Variants in MUSK observed in about 807,000 individuals in gnomAD.
MUSK encodes muscle, skeletal receptor tyrosine-protein kinase.
A neutral mutation model predicts 88.7 loss-of-function variants in MUSK; 55 were observed. The observed-to-expected ratio is 0.62, with a 90% CI of 0.50 to 0.78. The LOEUF (loss-of-function observed/expected upper bound fraction) is 0.78, where lower values mean the gene tolerates loss of function less well. Ranked by LOEUF, MUSK falls within the 30% of genes least tolerant of loss-of-function variation. The probability of loss-of-function intolerance (pLI) is 0.00; values close to 1 mark genes in which losing one functional copy is unlikely to be tolerated. For synonymous variants in MUSK, 387 were observed against 391.9 expected (o/e 0.99, Z 0.15); for missense variants, 1,015 against 1,074.3 (o/e 0.94, Z 0.77).
intron 6 of MUSK, among the ~76,000 whole-genome samples, chr9:110,742,775 G>A (rs1001106897): frequency 6.6e-6 from 1 of 152,182 alleles, no homozygotes; most frequent in African/African-American, 2.4e-5. Flanking sequence ...CAAACAAAGT[G>A]ACTTTCATCC....
chr9:110,804,898 T>G lies in MUSK; in HGVS notation c.*3910T>G, dbSNP rs922002085. On this transcript the variant is annotated 3_prime_UTR_variant, in exon 15 of 15. Transcript: ENST00000374448. The stretch of plus-strand genomic sequence containing the variant: ...GGTAGGTAAATAGATAGATAGATGA[T>G]ACATAGAGAGAGATAGATAGATAAT... Among the ~76,000 whole-genome samples the G allele has an allele frequency of 1.3e-5, 2 of 151,882 alleles. No homozygotes were observed. Among genetic ancestry groups the G allele is most frequent in the African/African-American group, 4.8e-5 (2 of 41,430 alleles).
intron 6 of MUSK, among the ~76,000 whole-genome samples, chr9:110,734,875 A>G (rs1434075232): frequency 1.3e-5 from 2 of 152,052 alleles, no homozygotes; most frequent in African/African-American, 4.8e-5. Flanking sequence ...TATTCATTCT[A>G]CAAATATGTA....
intron 6 of MUSK, among the ~76,000 whole-genome samples, chr9:110,739,076 T>C (rs931002224): frequency 1.3e-5 from 2 of 152,130 alleles, no homozygotes; most frequent in East Asian, 1.9e-4. Flanking sequence ...GTTCCTTCCA[T>C]TGGAGCTGCC....
chr9:110,728,499 T>C (rs977646503), intron 5 of MUSK, among the ~76,000 whole-genome samples: 7 of 152,082 alleles, frequency 4.6e-5, no homozygotes, highest in Non-Finnish European at 1.0e-4. Flanking sequence ...CATTTAACAG[T>C]TTGCTTTCAA....
chr9:110,800,586 C>T lies in MUSK; in HGVS notation c.2208C>T (p.Asn736=). 3 of 1,613,514 alleles carry T rather than the reference C, an allele frequency of 1.9e-6. No homozygotes were observed. Among genetic ancestry groups the T allele is most frequent in the Non-Finnish European group, 2.5e-6 (3 of 1,179,814 alleles). Residue 736 remains asparagine, a synonymous_variant, in exon 15 of 15, where the codon AAC becomes AAT. Coordinates refer to ENST00000374448, the MANE Select transcript of MUSK (RefSeq NM_005592.4). ...CCAGGAACTGCCTGGTGGGCGAGAACATGGTGGTGAAAATTGCCGACTTTG... is the reference window on the plus strand; with the variant it reads ...CCAGGAACTGCCTGGTGGGCGAGAATATGGTGGTGAAAATTGCCGACTTTG... ...LATRNCLVGE[N]MVVKIADFGL...
chr9:110,803,745 A>G lies in MUSK; in HGVS notation c.*2757A>G, dbSNP rs1391378917. On this transcript the variant is annotated 3_prime_UTR_variant, in exon 15 of 15. Transcript: ENST00000374448. ...TTACATTTTCAAGTTAAGATCACTG[A>G]CTTATTCCCTAAGTGCTCGATCTAA... is the stretch of plus-strand genomic sequence containing the variant. Among the ~76,000 whole-genome samples, 2 of 152,226 alleles carry G rather than the reference A, an allele frequency of 1.3e-5. No homozygotes were observed. Among genetic ancestry groups the G allele is most frequent in the African/African-American group, 4.8e-5 (2 of 41,454 alleles).
At chr9:110,693,687 C>T (rs941034327) in intron 3 of MUSK, among the ~76,000 whole-genome samples, 1 of 152,186 alleles carries the variant, frequency 6.6e-6, no homozygotes, top group South Asian at 2.1e-4. Context: ...TCACCCCTCA[C>T]CTAACAGATG....
At chr9:110,684,746 G>T (rs930517173) in intron 2 of MUSK, among the ~76,000 whole-genome samples, 16 of 151,778 alleles carry the variant, frequency 1.1e-4, no homozygotes, top group African/African-American at 3.6e-4. Context: ...ATTGTAAATA[G>T]GATTATTTTT....
intron 5 of MUSK, among the ~76,000 whole-genome samples, chr9:110,701,651 TATTTATTTTA>T (rs1461340005): frequency 8.9e-5 from 1 of 11,224 alleles, no homozygotes; most frequent in Non-Finnish European, 1.6e-4. Context: ...TGTGCTCAGC[TATTTATTTTA>T]TTTATTTTAT....
chr9:110,764,635 A>G (rs981442022), intron 8 of MUSK, among the ~76,000 whole-genome samples: 5 of 150,736 alleles, frequency 3.3e-5, no homozygotes, highest in African/African-American at 1.2e-4. Context: ...AGATAGATAG[A>G]TAGGTAGGTA....
At position 110,709,936 on chromosome 9, in the gene MUSK, G is replaced by A. The variant is rs1013120692; in HGVS notation, c.628+12470G>A. Among the ~76,000 whole-genome samples, 5 of 152,088 alleles carry A rather than the reference G, an allele frequency of 3.3e-5. No homozygotes were observed. The East Asian group carries it at 9.7e-4, about 30-fold the overall frequency. ...GAGGCAGGAGGATTGCTTGAGGCCAGGAGTTCGAGGCCAGCCTGGGAAACA... is the reference window on the plus strand; with the variant it reads ...GAGGCAGGAGGATTGCTTGAGGCCAAGAGTTCGAGGCCAGCCTGGGAAACA... On this transcript the variant is annotated intron_variant, in intron 5 of 14. Transcript: ENST00000374448.
Position 110,767,845 on chromosome 9 carries a change from T to A in MUSK, c.946T>A (p.Tyr316Asn). ...TAAACCACAGAAAGATAACAAAGGCTACTGCGCCCAGTACAGAGGGGAGGT... is the reference window on the plus strand; with the variant it reads ...TAAACCACAGAAAGATAACAAAGGCAACTGCGCCCAGTACAGAGGGGAGGT... The part of the protein sequence containing the change: ...WSKPQKDNKG[Y>N]CAQYRGEVCN... Residue 316 changes from tyrosine to asparagine, a missense_variant, in exon 9 of 15, where the codon TAC becomes AAC. Transcript: ENST00000374448. 1.2e-6 allele frequency: 2 copies of A among 1,614,028 alleles called. No homozygotes were observed. Among genetic ancestry groups the A allele is most frequent in the Non-Finnish European group, 1.7e-6 (2 of 1,179,882 alleles).
chr9:110,788,794 A>C (rs2077922452), intron 14 of MUSK, among the ~76,000 whole-genome samples: 1 of 152,226 alleles, frequency 6.6e-6, no homozygotes, highest in South Asian at 2.1e-4. Flanking sequence ...TGAGCTACAA[A>C]GTTTGAAGAC....
At chr9:110,704,640 A>G (rs909440719) in intron 5 of MUSK, among the ~76,000 whole-genome samples, 1 of 152,192 alleles carries the variant, frequency 6.6e-6, no homozygotes, top group Non-Finnish European at 1.5e-5. Flanking sequence ...TTATTATTAT[A>G]TATTAGAGTA....
At chr9:110,799,465 C>T (rs2078059107) in intron 14 of MUSK, among the ~76,000 whole-genome samples, 1 of 152,196 alleles carries the variant, frequency 6.6e-6, no homozygotes, top group African/African-American at 2.4e-5. Flanking sequence ...TGTTTTACTG[C>T]AGCAACTTAA....
At chr9:110,693,241 G>A (rs2076381480) in intron 3 of MUSK, among the ~76,000 whole-genome samples, 2 of 152,032 alleles carry the variant, frequency 1.3e-5, no homozygotes, top group South Asian at 4.2e-4. Context: ...CTTGATTTGG[G>A]TTCTATACTA....
rs542123753 is a variant in MUSK at position 110,804,870 on chromosome 9, G to A, written c.*3882G>A. ...TTCAGATAGACAGGTAGGTAAGTAG[G>A]TTGGTAGGTAAATAGATAGATAGAT... On this transcript the variant is annotated 3_prime_UTR_variant, in exon 15 of 15. Coordinates refer to ENST00000374448, the MANE Select transcript of MUSK (RefSeq NM_005592.4). 3.6e-4 allele frequency among the ~76,000 whole-genome samples: 54 copies of A among 151,856 alleles called. No homozygotes were observed. The highest frequency in any genetic ancestry group is 6.9e-4 in the Non-Finnish European group (47 of 67,794).
Position 110,806,281 on chromosome 9 carries a change from T to G in MUSK, c.*5293T>G, listed in dbSNP as rs1198072003. 1.3e-5 allele frequency among the ~76,000 whole-genome samples: 2 copies of G among 152,176 alleles called. No individual in the cohort carries two copies. ...TAATGTTATATTGTTTATCACAACT[T>G]TCACAAATATTTCTAAATAAAGGTT... On this transcript the variant is annotated 3_prime_UTR_variant, in exon 15 of 15. Coordinates refer to ENST00000374448, the MANE Select transcript of MUSK (RefSeq NM_005592.4).
chr9:110,691,176 G>A (rs540474014), intron 3 of MUSK, among the ~76,000 whole-genome samples: 30 of 152,108 alleles, frequency 2.0e-4, no homozygotes, highest in African/African-American at 4.8e-4. Flanking sequence ...CTTTATCAGC[G>A]TAGCCAATCG....
Sources: allele counts gnomAD v4.1 joint callset (sites outside exome capture counted in the v4.1 genomes callset), GRCh38; gene constraint gnomAD v4.1.1; transcripts MANE v1.5; gene names NCBI Gene and HGNC (gene_info 2026-07-23, HGNC 2026-07-21).